Variants in NBEAL1 observed in about 807,000 individuals in gnomAD.
NBEAL1 encodes neurobeachin like 1.
A neutral mutation model predicts 351.3 loss-of-function variants in NBEAL1; 273 were observed. That is an observed-to-expected ratio of 0.78 (90% CI 0.70 to 0.86). The LOEUF (loss-of-function observed/expected upper bound fraction) is 0.86, where lower values mean the gene tolerates loss of function less well. Among genes scored for constraint, NBEAL1 ranks in the 40% least tolerant of loss-of-function variants. The probability of loss-of-function intolerance (pLI) is 0.00; values close to 1 mark genes in which losing one functional copy is unlikely to be tolerated. For missense variants in NBEAL1, 2,961 were observed against 3,201.3 expected (o/e 0.92, Z 1.81); for synonymous variants, 1,050 against 1,086.4 (o/e 0.97, Z 0.66).
intron 4 of NBEAL1, among the ~76,000 whole-genome samples, chr2:203,051,155 C>T (rs931950714): frequency 3.9e-5 from 6 of 152,106 alleles, no homozygotes; most frequent in Non-Finnish European, 7.4e-5. Context: ...ACATTTCACC[C>T]CTAATTTATG....
intron 14 of NBEAL1, among the ~76,000 whole-genome samples, chr2:203,108,801 C>T (rs367955971): frequency 2.6e-5 from 4 of 152,194 alleles, no homozygotes; most frequent in African/African-American, 9.6e-5. Flanking sequence ...AATCCCACCA[C>T]TTTAGGAGGT....
In NBEAL1 at chr2:203,057,321, C is replaced by A; in HGVS notation, c.388-5C>A. 1.9e-6 allele frequency: 3 copies of A among 1,543,046 alleles called. No individual in the cohort carries two copies. In the South Asian group the frequency reaches 3.6e-5, roughly 19 times the overall value. On this transcript the variant is annotated splice_region_variant and splice_polypyrimidine_tract_variant and intron_variant, in intron 5 of 55. Coordinates refer to ENST00000683969, the MANE Select transcript of NBEAL1 (RefSeq NM_001378026.1). ...TCTTTAATTTATGTTTAACTTTGTT[C>A]TCAGTTAAAAAGCAAAAAAAAAGAG... is the stretch of plus-strand genomic sequence containing the variant.
At chr2:203,075,048 GT>G (rs2061747778) in intron 7 of NBEAL1, 1 of 152,324 alleles carries the variant, frequency 6.6e-6, no homozygotes, top group African/African-American at 2.4e-5. Context: ...GTGGGGTGGG[GT>G]GGATGCCTTT....
At chr2:203,198,870 A>AG (rs2065312063) in intron 48 of NBEAL1, among the ~76,000 whole-genome samples, 1 of 151,640 alleles carries the variant, frequency 6.6e-6, no homozygotes, top group South Asian at 2.1e-4. Context: ...AAAAAAAAAA[A>AG]AAATTGGACA....
chr2:203,183,505 T>C, intron 44 of NBEAL1, 117 bp downstream of exon 44: 1 of 598,576 alleles, frequency 1.7e-6, no homozygotes, highest in Non-Finnish European at 2.9e-6. Flanking sequence ...CTATTATATA[T>C]GCTGACTTTA....
intron 7 of NBEAL1, among the ~76,000 whole-genome samples, chr2:203,073,394 G>A (rs2061713874): frequency 6.6e-6 from 1 of 152,132 alleles, no homozygotes. Context: ...TCTTAAATCT[G>A]TGGAATCTAA....
chr2:203,126,958 A>G, intron 23 of NBEAL1, 32 bp downstream of exon 23: 2 of 1,419,744 alleles, frequency 1.4e-6, no homozygotes, highest in Non-Finnish European at 9.7e-7. Context: ...TCAGTTTGAT[A>G]TATTATTTTC....
rs1207263677 is a variant in NBEAL1 at position 203,157,966 on chromosome 2, A to G, written c.5714+141A>G. 3 of 577,924 alleles carry G rather than the reference A, an allele frequency of 5.2e-6. No individual in the cohort carries two copies. The East Asian group carries it at 1.0e-4, about 20-fold the overall frequency. 35.8% of individuals were successfully genotyped at this position (577,924 alleles called of 1,614,324 possible). ...TATCAGCTGTTAGGATTTTATCAGT[A>G]TTAACTGAGATTATTGAGGAAGGCT... On this transcript the variant is annotated intron_variant, in intron 36 of 55. Transcript: ENST00000683969.
chr2:203,129,727 G>C (rs955011902), intron 24 of NBEAL1, among the ~76,000 whole-genome samples: 1 of 152,148 alleles, frequency 6.6e-6, no homozygotes, highest in African/African-American at 2.4e-5. Flanking sequence ...GAGATACAAA[G>C]TTCTATGAGG....
In NBEAL1 at chr2:203,049,952, C is replaced by T. The variant is rs772049614; in HGVS notation, c.282C>T (p.Val94=). The change falls in exon 4 of 56, where the codon GTC becomes GTT. Residue 94 remains valine, a synonymous_variant. Coordinates refer to ENST00000683969, the MANE Select transcript of NBEAL1 (RefSeq NM_001378026.1). The part of the protein sequence containing the change: ...EQQQALSILL[V]KFFIILCRNL... ...AGCAAGCCTTGTCAATTTTGCTTGT[C>T]AAGTTCTTCATTATTCTTTGCAGGT... 2.6e-6 allele frequency: 4 copies of T among 1,552,834 alleles called. No homozygotes were observed. The South Asian group carries it at 4.8e-5, about 18-fold the overall frequency.
intron 47 of NBEAL1, 127 bp downstream of exon 47, chr2:203,194,038 T>A: frequency 4.2e-6 from 2 of 474,180 alleles, no homozygotes; most frequent in Non-Finnish European, 7.2e-6. Context: ...TATACTGTAA[T>A]AATCTGTTGT....
At chr2:203,028,726 G>A (rs1029292079) in intron 2 of NBEAL1, among the ~76,000 whole-genome samples, 28 of 151,558 alleles carry the variant, frequency 1.8e-4, no homozygotes, top group African/African-American at 4.6e-4. Flanking sequence ...CTTTAGTCCC[G>A]TTTGACTCAT....
chr2:203,041,754 T>G lies in NBEAL1; in HGVS notation c.52-11T>G. 1.9e-6 allele frequency: 3 copies of G among 1,543,850 alleles called. No individual in the cohort carries two copies. Among genetic ancestry groups the G allele is most frequent in the Non-Finnish European group, 2.6e-6 (3 of 1,140,338 alleles). ...GGCATACTTAATATTATAATGGTTT[T>G]GTTATTTCAGAAAGATCCAGATTAC... On this transcript the variant is annotated splice_polypyrimidine_tract_variant and intron_variant, in intron 2 of 55. Transcript: ENST00000683969.
rs148617210 is a variant in NBEAL1 at position 203,032,054 on chromosome 2, A to G, written c.52-9711A>G. On this transcript the variant is annotated intron_variant, in intron 2 of 55. Coordinates refer to ENST00000683969, the MANE Select transcript of NBEAL1 (RefSeq NM_001378026.1). ...TTGATTGCTTACTCCGGGGGAATCC[A>G]GAAGTTCAGTAATGAGTAGCCCTAC... Among the ~76,000 whole-genome samples, 872 of 152,348 alleles carry G rather than the reference A, an allele frequency of 5.7e-3. 10 individuals carry two copies. The highest frequency in any genetic ancestry group is 0.019 in the African/African-American group (809 of 41,570).
intron 2 of NBEAL1, among the ~76,000 whole-genome samples, chr2:203,031,280 A>G (rs550587842): frequency 2.0e-5 from 3 of 152,340 alleles, no homozygotes; most frequent in South Asian, 2.1e-4. Flanking sequence ...TTTCAAGTTT[A>G]TAAAGCACTA....
At position 203,223,239 on chromosome 2, in the gene NBEAL1, A is replaced by T. The variant is rs146933084; in HGVS notation, c.*5885A>T. ...CCTTTGTCTTAATGCCCATAATCTT[A>T]TGAACTGAAAATTCAGAAGGAAAAG... On this transcript the variant is annotated 3_prime_UTR_variant, in exon 56 of 56. Coordinates refer to ENST00000683969, the MANE Select transcript of NBEAL1 (RefSeq NM_001378026.1). Among the ~76,000 whole-genome samples, 813 of 152,276 alleles carry T rather than the reference A, an allele frequency of 5.3e-3. 10 individuals are homozygous for T. Among genetic ancestry groups the T allele is most frequent in the African/African-American group, 0.018 (757 of 41,580 alleles).
At chr2:203,016,938 G>A (rs1200225550) in intron 2 of NBEAL1, among the ~76,000 whole-genome samples, 1 of 152,168 alleles carries the variant, frequency 6.6e-6, no homozygotes, top group Non-Finnish European at 1.5e-5. Flanking sequence ...ACTGTGAGGT[G>A]AATATTGTGA....
At chr2:203,127,170 A>T (rs1343763116) in intron 23 of NBEAL1, among the ~76,000 whole-genome samples, 1 of 152,154 alleles carries the variant, frequency 6.6e-6, no homozygotes, top group Non-Finnish European at 1.5e-5. Context: ...GGGTTTCTTC[A>T]TTTTTGAAAG....
intron 2 of NBEAL1, among the ~76,000 whole-genome samples, chr2:203,022,460 A>T (rs932545923): frequency 2.0e-5 from 3 of 152,140 alleles, no homozygotes; most frequent in African/African-American, 4.8e-5. Context: ...TAGAGGTGAT[A>T]TTTAGTCCCA....
Sources: allele counts gnomAD v4.1 joint callset (sites outside exome capture counted in the v4.1 genomes callset), GRCh38; gene constraint gnomAD v4.1.1; transcripts MANE v1.5; gene names NCBI Gene and HGNC (gene_info 2026-07-23, HGNC 2026-07-21).